The following SYNPO2 variants were observed in gnomAD, a reference collection of about 807,000 sequenced individuals.
The protein encoded by SYNPO2 is synaptopodin 2.
In SYNPO2, 56 loss-of-function variants were observed where a neutral mutation model predicts 85.0. The ratio of observed to expected loss-of-function variants is 0.66; its 90% confidence interval spans 0.53 to 0.82. The LOEUF is 0.82. SYNPO2 is among the 40% of genes least tolerant of loss of function. The pLI, the probability that SYNPO2 is intolerant of heterozygous loss-of-function variation, is 0.00. For synonymous variants in SYNPO2, 602 were observed against 591.1 expected (o/e 1.02, Z -0.27); for missense variants, 1,575 against 1,534.2 (o/e 1.03, Z -0.44).
rs1733170044 is a variant in SYNPO2 at position 118,912,405 on chromosome 4, T to C, written c.105+23264T>C. Reference sequence around the variant, plus strand: ...CATGTTGCCCAGGCTGGTCTCAAACTCCTGGACTCAAGTAATCCACCTGTT... The same window carrying C: ...CATGTTGCCCAGGCTGGTCTCAAACCCCTGGACTCAAGTAATCCACCTGTT... On this transcript the variant is annotated intron_variant, in intron 1 of 4. Transcript: ENST00000307142. Among the ~76,000 whole-genome samples the C allele has an allele frequency of 1.3e-5, 2 of 152,188 alleles. 1 individual carries two copies. Among genetic ancestry groups the C allele is most frequent in the South Asian group, 4.1e-4 (2 of 4,828 alleles).
chr4:118,889,175 T>C, intron 1 of SYNPO2, 34 bp downstream of exon 1: 1 of 1,595,588 alleles, frequency 6.3e-7, no homozygotes, highest in Admixed American at 1.8e-5. Context: ...GGCTCTGTGC[T>C]AGGAAGGAAG....
Position 119,027,011 on chromosome 4 carries a change from T to G in SYNPO2, c.642T>G (p.Pro214=). 1 of 1,614,142 alleles carries G rather than the reference T, an allele frequency of 6.2e-7. No individual in the cohort carries two copies. The highest frequency in any genetic ancestry group is 8.5e-7 in the Non-Finnish European group (1 of 1,180,012). The change falls in exon 3 of 5, where the codon CCT becomes CCG. Residue 214 remains proline (P), a synonymous_variant. Transcript: ENST00000307142. The part of the protein sequence containing the change: ...SQERHKGASG[P]LVALPGAEKS... ...AGAGACATAAGGGCGCTAGTGGCCC[T>G]TTAGTGGCTCTCCCGGGAGCTGAAA... is the stretch of plus-strand genomic sequence containing the variant.
intron 1 of SYNPO2, among the ~76,000 whole-genome samples, chr4:118,859,251 AT>A (rs1265791505): frequency 6.6e-6 from 1 of 152,138 alleles, no homozygotes; most frequent in African/African-American, 2.4e-5. Context: ...TTATTTTTAA[AT>A]TTTTTTAAAT....
rs769802322 is a variant in SYNPO2 at position 119,031,825 on chromosome 4, C to T, written c.3050C>T (p.Thr1017Met). The T allele has an allele frequency of 2.5e-6, 4 of 1,614,114 alleles. No individual in the cohort carries two copies. Among genetic ancestry groups the T allele is most frequent in the African/African-American group, 1.3e-5 (1 of 74,942 alleles). The change falls in exon 4 of 5, where the codon ACG becomes ATG. Residue 1017 changes from threonine (T) to methionine (M), a missense_variant. This residue lies in a region of SYNPO2 where 1,508 missense variants were observed against 1,446.8 expected (regional missense o/e 1.04). Coordinates refer to ENST00000307142, the MANE Select transcript of SYNPO2 (RefSeq NM_133477.3). The stretch of plus-strand genomic sequence containing the variant: ...CGGCCAGTGAATGCTGCCTCACCTA[C>T]GAATGTGCAGGCTTCGTCAGTGTAC... ...PPRPVNAASP[T>M]NVQASSVYSV...
chr4:118,908,334 T>C (rs564822051), intron 1 of SYNPO2, among the ~76,000 whole-genome samples: 2 of 152,300 alleles, frequency 1.3e-5, no homozygotes, highest in East Asian at 3.9e-4. Context: ...CCAATACAGA[T>C]TTCTTTTGGC....
chr4:118,993,028 C>T (rs1333556048), intron 1 of SYNPO2, among the ~76,000 whole-genome samples: 1 of 152,126 alleles, frequency 6.6e-6, no homozygotes, highest in Non-Finnish European at 1.5e-5. Flanking sequence ...GAAAACTACT[C>T]AAACCAAGCA....
At chr4:118,957,575 C>T (rs1482749302) in intron 1 of SYNPO2, among the ~76,000 whole-genome samples, 1 of 152,120 alleles carries the variant, frequency 6.6e-6, no homozygotes, top group Non-Finnish European at 1.5e-5. Flanking sequence ...ATGGGATACA[C>T]TAAATACATG....
chr4:118,933,240 TTAA>T lies in SYNPO2; in HGVS notation c.105+44100_105+44102del, dbSNP rs368941996. Among the ~76,000 whole-genome samples, 226 of 152,322 alleles carry T rather than the reference TTAA, an allele frequency of 1.5e-3. 1 individual carries two copies. Among genetic ancestry groups the T allele is most frequent in the African/African-American group, 5.1e-3 (214 of 41,570 alleles). On this transcript the variant is annotated intron_variant, in intron 1 of 4. Transcript: ENST00000307142. ...GTTCAATAAGGAACAAGGTAGAACT[TTAA>T]GTCATGTTATTTAGGGTAGTGCATC...
intron 1 of SYNPO2, among the ~76,000 whole-genome samples, chr4:118,896,560 C>T (rs1320876793): frequency 6.6e-6 from 1 of 152,128 alleles, no homozygotes; most frequent in Non-Finnish European, 1.5e-5. Context: ...AGGGATATTT[C>T]ATTATTTGAC....
chr4:118,964,297 A>AACACACACACACACACAC (rs10523074), intron 1 of SYNPO2, among the ~76,000 whole-genome samples: 28 of 140,714 alleles, frequency 2.0e-4, no homozygotes, highest in African/African-American at 7.0e-4. Context: ...AAACACACAC[A>AACACACACACACACACAC]ACACACACAC....
At chr4:119,046,547 G>C (rs1738873550) in intron 4 of SYNPO2, among the ~76,000 whole-genome samples, 1 of 152,162 alleles carries the variant, frequency 6.6e-6, no homozygotes, top group Non-Finnish European at 1.5e-5. Flanking sequence ...GTTGCCTCTT[G>C]AACAAAAGGT....
At chr4:118,975,093 C>T (rs968625839) in intron 1 of SYNPO2, among the ~76,000 whole-genome samples, 1 of 152,338 alleles carries the variant, frequency 6.6e-6, no homozygotes, top group African/African-American at 2.4e-5. Flanking sequence ...ACCTGTCACA[C>T]ACACCTTGCA....
Position 119,029,901 on chromosome 4 carries a change from T to C in SYNPO2, c.1126T>C (p.Cys376Arg). 6.2e-7 allele frequency: 1 copy of C among 1,607,616 alleles called. No homozygotes were observed. The highest frequency in any genetic ancestry group is 1.1e-5 in the South Asian group (1 of 90,844). Reference protein sequence around the residue: ...EKQVKEAKSKCKSIALLLTDA... With the variant: ...EKQVKEAKSKRKSIALLLTDA... Reference sequence around the variant, plus strand: ...ACAAGTGAAGGAAGCAAAATCTAAATGCAAAAGCATTGCCCTTCTTCTAAC... The same window carrying C: ...ACAAGTGAAGGAAGCAAAATCTAAACGCAAAAGCATTGCCCTTCTTCTAAC... Residue 376 changes from cysteine (C) to arginine (R), a missense_variant, in exon 4 of 5, where the codon TGC (cysteine) becomes CGC (arginine). This residue lies in a region of SYNPO2 where 1,508 missense variants were observed against 1,446.8 expected (regional missense o/e 1.04). Transcript: ENST00000307142.
At chr4:119,010,609 C>A (rs1361719768) in intron 1 of SYNPO2, among the ~76,000 whole-genome samples, 2 of 152,262 alleles carry the variant, frequency 1.3e-5, no homozygotes, top group East Asian at 1.9e-4. Flanking sequence ...CTTTGAGAAG[C>A]CTTGCCTGCT....
intron 1 of SYNPO2, among the ~76,000 whole-genome samples, chr4:118,989,341 G>C (rs978303524): frequency 6.6e-6 from 1 of 152,194 alleles, no homozygotes; most frequent in Admixed American, 6.5e-5. Flanking sequence ...GAGTGTAACT[G>C]GGAATAGCTA....
intron 1 of SYNPO2, among the ~76,000 whole-genome samples, chr4:118,898,891 T>A (rs1007376098): frequency 6.6e-6 from 1 of 152,240 alleles, no homozygotes; most frequent in Non-Finnish European, 1.5e-5. Context: ...ATCCCTGCTG[T>A]GTCCTTGGCT....
At chr4:118,953,949 G>A (rs1044813903) in intron 1 of SYNPO2, among the ~76,000 whole-genome samples, 2 of 152,122 alleles carry the variant, frequency 1.3e-5, no homozygotes, top group Non-Finnish European at 2.9e-5. Flanking sequence ...TATGTCATGT[G>A]CTTCCTCTTC....
chr4:118,979,277 G>A (rs767267857), intron 1 of SYNPO2, among the ~76,000 whole-genome samples: 1 of 152,154 alleles, frequency 6.6e-6, no homozygotes, highest in Non-Finnish European at 1.5e-5. Context: ...CTGCCGTAGC[G>A]TTGTTTTGCC....
intron 1 of SYNPO2, among the ~76,000 whole-genome samples, chr4:118,873,210 T>C (rs1454083556): frequency 6.6e-6 from 1 of 152,202 alleles, no homozygotes; most frequent in East Asian, 1.9e-4. Flanking sequence ...TTTGGGCAGA[T>C]AGTAGTGAGA....
Sources: gnomAD v4.1 joint callset for allele counts (sites outside exome capture counted in the v4.1 genomes callset) on GRCh38, gnomAD v4.1.1 for gene constraint, gnomAD v4.1.1 regional missense constraint, MANE v1.5 for transcripts, NCBI Gene and HGNC (gene_info 2026-07-23, HGNC 2026-07-21) for gene names.